BBS9: variants seen among roughly 807,000 people sequenced by gnomAD.
BBS9 encodes the protein Bardet-Biedl syndrome 9, also known as protein PTHB1.
In BBS9, 89 loss-of-function variants were observed where a neutral mutation model predicts 117.7. The observed-to-expected ratio is 0.76, with a 90% CI of 0.64 to 0.90. The LOEUF is 0.90. BBS9 is among the 40% of genes least tolerant of loss of function. BBS9 has a pLI of 0.00. For synonymous variants in BBS9, 379 were observed against 370.9 expected (o/e 1.02, Z -0.25); for missense variants, 982 against 1,042.2 (o/e 0.94, Z 0.80).
chr7:33,358,137 C>T, intron 16 of BBS9, 142 bp downstream of exon 16: 3 of 1,059,012 alleles, frequency 2.8e-6, no homozygotes, highest in Non-Finnish European at 4.2e-6. Flanking sequence ...ATTTTTCCCT[C>T]CTTTGCCTGT....
rs570990397 is a variant in BBS9, at chr7:33,495,911, A to G, written c.2116-9552A>G. 5.3e-5 allele frequency among the ~76,000 whole-genome samples: 8 copies of G among 152,284 alleles called. 1 individual carries two copies. Among genetic ancestry groups the G allele is most frequent in the African/African-American group, 1.7e-4 (7 of 41,568 alleles). ...GTCTCTCTCAGAGTCATACTTATAT[A>G]TATTATAAAGAAATGTCTCAGAAAT... is the stretch of plus-strand genomic sequence containing the variant. On this transcript the variant is annotated intron_variant, in intron 19 of 22. Transcript: ENST00000242067.
At chr7:33,480,233 G>A (rs542548093) in intron 19 of BBS9, among the ~76,000 whole-genome samples, 1 of 152,256 alleles carries the variant, frequency 6.6e-6, no homozygotes, top group Non-Finnish European at 1.5e-5. Flanking sequence ...AATTACTAGT[G>A]ATAGTCAAAT....
chr7:33,450,198 A>G (rs1392107160), intron 19 of BBS9, among the ~76,000 whole-genome samples: 3 of 152,186 alleles, frequency 2.0e-5, no homozygotes, highest in Non-Finnish European at 4.4e-5. Flanking sequence ...TGTATAACAC[A>G]TGACAGGATT....
At chr7:33,540,599 T>C (rs2129069865) in intron 21 of BBS9, among the ~76,000 whole-genome samples, 1 of 152,320 alleles carries the variant, frequency 6.6e-6, no homozygotes, top group East Asian at 1.9e-4. Context: ...GGCCCCGTGA[T>C]AGAAAGAACC....
chr7:33,364,211 G>A (rs1821211989), intron 16 of BBS9, among the ~76,000 whole-genome samples: 1 of 31,932 alleles, frequency 3.1e-5, no homozygotes, highest in South Asian at 9.6e-4. Context: ...GCCTCCCAAA[G>A]TGCTGGGATT....
At chr7:33,581,142 A>G (rs1268888292) in intron 21 of BBS9, among the ~76,000 whole-genome samples, 2 of 150,898 alleles carry the variant, frequency 1.3e-5, no homozygotes, top group Non-Finnish European at 3.0e-5. Flanking sequence ...AATCTTTTTT[A>G]TTTGTTTTTT....
intron 21 of BBS9, among the ~76,000 whole-genome samples, chr7:33,552,167 G>A (rs1400120297): frequency 6.6e-6 from 1 of 151,850 alleles, no homozygotes; most frequent in Non-Finnish European, 1.5e-5. Flanking sequence ...ATTATATCAT[G>A]AGCCACTGTT....
At chr7:33,405,292 G>C (rs1829718487) in intron 19 of BBS9, among the ~76,000 whole-genome samples, 1 of 152,068 alleles carries the variant, frequency 6.6e-6, no homozygotes, top group African/African-American at 2.4e-5. Flanking sequence ...CAAGGATATT[G>C]GTCTAAAATT....
chr7:33,413,965 G>A (rs1289150745), intron 19 of BBS9, among the ~76,000 whole-genome samples: 2 of 152,032 alleles, frequency 1.3e-5, no homozygotes, highest in Non-Finnish European at 2.9e-5. Context: ...CAGAGGTTGC[G>A]GTGAGCTGAT....
chr7:33,591,839 G>A (rs1022370656), intron 21 of BBS9, among the ~76,000 whole-genome samples: 4 of 151,880 alleles, frequency 2.6e-5, no homozygotes, highest in African/African-American at 7.3e-5. Flanking sequence ...AACAATGAAT[G>A]TGATTATGTA....
At position 33,151,256 on chromosome 7, in the gene BBS9, G is replaced by GA. The variant is rs879591909; in HGVS notation, c.113-1434dup. 6.2e-4 allele frequency among the ~76,000 whole-genome samples: 89 copies of GA among 143,242 alleles called. 1 individual carries two copies. Among genetic ancestry groups the GA allele is most frequent in the Middle Eastern group, 3.6e-3 (1 of 278 alleles). 94.0% of individuals were successfully genotyped at this position (143,242 alleles called of 152,430 possible). A position where few individuals can be genotyped will look rare whatever the true frequency, so the allele number is the denominator to read the frequency against. ...AACAGAGTGAGACCCTGTCTCAAAGGAAAAAAAAAAAGAAGAACCAATTCC... is the reference window on the plus strand; with the variant it reads ...AACAGAGTGAGACCCTGTCTCAAAGGAAAAAAAAAAAAGAAGAACCAATTCC... On this transcript the variant is annotated intron_variant, in intron 2 of 22. Transcript: ENST00000242067.
At chr7:33,407,196 A>G (rs957472853) in intron 19 of BBS9, among the ~76,000 whole-genome samples, 6 of 151,970 alleles carry the variant, frequency 3.9e-5, no homozygotes, top group Non-Finnish European at 4.4e-5. Flanking sequence ...ATCTTCCATC[A>G]CTGATACCCT....
intron 5 of BBS9, among the ~76,000 whole-genome samples, chr7:33,205,503 G>A (rs1447014129): frequency 6.6e-5 from 10 of 152,046 alleles, no homozygotes; most frequent in Admixed American, 5.2e-4. Context: ...ATTTCTTTTT[G>A]TAACTGTTTT....
chr7:33,242,329 G>T (rs901057494), intron 5 of BBS9, among the ~76,000 whole-genome samples: 4 of 151,914 alleles, frequency 2.6e-5, no homozygotes, highest in Admixed American at 6.6e-5. Context: ...TGTGGTCTTT[G>T]CTTTGTACTG....
At chr7:33,623,458 A>G (rs951728719) in intron 21 of BBS9, among the ~76,000 whole-genome samples, 4 of 152,212 alleles carry the variant, frequency 2.6e-5, no homozygotes, top group African/African-American at 9.7e-5. Flanking sequence ...TGTTTTGGCC[A>G]AGAGTTTGGC....
intron 5 of BBS9, among the ~76,000 whole-genome samples, chr7:33,250,449 T>G (rs1284569500): frequency 6.6e-6 from 1 of 152,172 alleles, no homozygotes; most frequent in East Asian, 1.9e-4. Flanking sequence ...GCTTCTGAAA[T>G]CCCATTGCTT....
intron 9 of BBS9, among the ~76,000 whole-genome samples, chr7:33,330,174 C>T (rs1174445278): frequency 4.6e-5 from 7 of 151,942 alleles, no homozygotes; most frequent in African/African-American, 7.3e-5. Context: ...CCACCACACC[C>T]GGCTAAATTT....
chr7:33,538,249 T>G (rs2129066487), intron 21 of BBS9, among the ~76,000 whole-genome samples: 1 of 152,334 alleles, frequency 6.6e-6, no homozygotes, highest in Non-Finnish European at 1.5e-5. Flanking sequence ...GAAGATTTGA[T>G]AAATAAGATT....
chr7:33,445,193 G>A (rs1361798414), intron 19 of BBS9, among the ~76,000 whole-genome samples: 1 of 152,202 alleles, frequency 6.6e-6, no homozygotes, highest in East Asian at 1.9e-4. Context: ...AGGAAGCAGA[G>A]CCTGGGTTTT....
Sources: gnomAD v4.1 joint callset for allele counts (sites outside exome capture counted in the v4.1 genomes callset) on GRCh38, gnomAD v4.1.1 for gene constraint, MANE v1.5 for transcripts, NCBI Gene and HGNC (gene_info 2026-07-23, HGNC 2026-07-21) for gene names.